NAA11: variants seen among roughly 807,000 people sequenced by gnomAD.
NAA11 encodes N-alpha-acetyltransferase 11.
A neutral mutation model predicts 16.1 loss-of-function variants in NAA11; 15 were observed. The ratio of observed to expected loss-of-function variants is 0.93; its 90% confidence interval spans 0.62 to 1.44. NAA11 has a LOEUF of 1.44. Ranked by LOEUF, NAA11 falls within the 40% of genes most tolerant of loss-of-function variation. NAA11 has a pLI of 0.00. For missense variants in NAA11, 298 were observed against 291.3 expected (o/e 1.02, Z -0.17); for synonymous variants, 122 against 112.4 (o/e 1.09, Z -0.54).
intron 2 of NAA11, among the ~76,000 whole-genome samples, chr4:79,262,407 C>T (rs1177563726): frequency 6.6e-6 from 1 of 152,162 alleles, no homozygotes; most frequent in African/African-American, 2.4e-5. Context: ...TTCCTTCTGC[C>T]TTTGCCACAT....
At chr4:79,294,516 A>G (rs1723165121) in intron 1 of NAA11, among the ~76,000 whole-genome samples, 1 of 152,214 alleles carries the variant, frequency 6.6e-6, no homozygotes, top group Admixed American at 6.5e-5. Context: ...GTTTATGAAC[A>G]TGTCTAAATG....
intron 2 of NAA11, among the ~76,000 whole-genome samples, chr4:79,229,813 T>A (rs1465823862): frequency 1.3e-5 from 2 of 151,920 alleles, no homozygotes; most frequent in African/African-American, 4.8e-5. Flanking sequence ...TGCCTTGAGG[T>A]CATGGGGCTT....
chr4:79,155,531 C>G, the NAA11 span, among the ~76,000 whole-genome samples: 1 of 152,112 alleles, frequency 6.6e-6, no homozygotes, highest in East Asian at 1.9e-4. Flanking sequence ...AAAGGGAGAG[C>G]GTGGATAATC....
At chr4:79,188,062 A>C in the NAA11 span, among the ~76,000 whole-genome samples, 1 of 151,932 alleles carries the variant, frequency 6.6e-6, no homozygotes, top group Non-Finnish European at 1.5e-5. Flanking sequence ...ACAACAAAAC[A>C]GAATTCCAGT....
At chr4:79,319,329 A>G (rs976405115) in intron 1 of NAA11, among the ~76,000 whole-genome samples, 3 of 152,208 alleles carry the variant, frequency 2.0e-5, no homozygotes, top group African/African-American at 7.2e-5. Flanking sequence ...ATTTGTCGAT[A>G]TGGTGTTATA....
intron 2 of NAA11, among the ~76,000 whole-genome samples, chr4:79,270,355 A>G (rs1007087781): frequency 6.6e-6 from 1 of 152,024 alleles, no homozygotes; most frequent in Admixed American, 6.6e-5. Flanking sequence ...TAATAGACCA[A>G]TAACAGGAGC....
chr4:79,314,641 TAAAAAAA>T (rs375245497), downstream of NAA11, among the ~76,000 whole-genome samples: 92 of 98,062 alleles, frequency 9.4e-4, no homozygotes, highest in African/African-American at 3.4e-3. Flanking sequence ...TCCTTAAAAT[TAAAAAAA>T]AAAAAAAAAA....
At chr4:79,307,183 G>A (rs1017703033) in intron 1 of NAA11, 2 of 152,188 alleles carry the variant, frequency 1.3e-5, no homozygotes, top group African/African-American at 4.8e-5. Context: ...GAGCTTTGGA[G>A]GATAAGAGGA....
the NAA11 span, among the ~76,000 whole-genome samples, chr4:79,218,375 A>G: frequency 7.2e-5 from 11 of 151,986 alleles, no homozygotes; most frequent in African/African-American, 7.2e-5. Context: ...AACAATTTAG[A>G]CAACATAGTC....
intron 2 of NAA11, among the ~76,000 whole-genome samples, chr4:79,282,149 T>C (rs562215699): frequency 6.6e-6 from 1 of 152,126 alleles, no homozygotes; most frequent in East Asian, 1.9e-4. Context: ...AAAGAACGAA[T>C]GGCATGCTTG....
At chr4:79,220,082 A>C in the NAA11 span, among the ~76,000 whole-genome samples, 1 of 152,196 alleles carries the variant, frequency 6.6e-6, no homozygotes, top group Non-Finnish European at 1.5e-5. Flanking sequence ...CACTGCTACA[A>C]GACTGTCATT....
the NAA11 span, among the ~76,000 whole-genome samples, chr4:79,183,007 G>A: frequency 6.6e-6 from 1 of 152,066 alleles, no homozygotes. Context: ...GAATTATCTA[G>A]ATATAGTTTA....
chr4:79,256,672 A>G (rs1722120267), intron 2 of NAA11, among the ~76,000 whole-genome samples: 1 of 147,950 alleles, frequency 6.8e-6, no homozygotes, highest in Non-Finnish European at 1.5e-5. Context: ...ATATATATTG[A>G]CACGAGGTCT....
intron 2 of NAA11, among the ~76,000 whole-genome samples, chr4:79,268,051 A>G (rs1170502303): frequency 1.3e-5 from 2 of 152,144 alleles, no homozygotes; most frequent in Non-Finnish European, 2.9e-5. Flanking sequence ...TATTAAGAAT[A>G]TACTTATCTT....
the NAA11 span, among the ~76,000 whole-genome samples, chr4:79,161,404 A>G: frequency 2.0e-5 from 3 of 152,288 alleles, no homozygotes; most frequent in South Asian, 6.2e-4. Flanking sequence ...TACCAGTAGC[A>G]TACTGTTTTG....
At chr4:79,156,560 A>G in the NAA11 span, among the ~76,000 whole-genome samples, 1 of 152,160 alleles carries the variant, frequency 6.6e-6, no homozygotes, top group African/African-American at 2.4e-5. Flanking sequence ...TAAGGCCTTC[A>G]GTAGATTGGA....
chr4:79,211,338 G>T, the NAA11 span, among the ~76,000 whole-genome samples: 13 of 152,094 alleles, frequency 8.5e-5, no homozygotes, highest in East Asian at 9.7e-4. Context: ...ATTTGTCTTC[G>T]GTGAGTATGT....
intron 2 of NAA11, among the ~76,000 whole-genome samples, chr4:79,258,407 C>T (rs939479183): frequency 6.6e-6 from 1 of 152,282 alleles, no homozygotes; most frequent in African/African-American, 2.4e-5. Context: ...CTGCCTTCTC[C>T]CTGCTGTCAG....
At chr4:79,316,014 T>C (rs773145256), downstream of NAA11, among the ~76,000 whole-genome samples, 36 of 152,270 alleles carry the variant, frequency 2.4e-4, no homozygotes, top group Non-Finnish European at 2.9e-4. Context: ...TTTCCCATTT[T>C]CCAATTGCTC....
Sources: gnomAD v4.1 joint callset for allele counts (sites outside exome capture counted in the v4.1 genomes callset) on GRCh38, gnomAD v4.1.1 for gene constraint, MANE v1.5 for transcripts, NCBI Gene and HGNC (gene_info 2026-07-23, HGNC 2026-07-21) for gene names.